The following GALNTL6 variants were observed in gnomAD, a reference collection of about 807,000 sequenced individuals.
GALNTL6 encodes polypeptide N-acetylgalactosaminyltransferase like 6, also known as polypeptide N-acetylgalactosaminyltransferase-like 6.
In GALNTL6, 46 loss-of-function variants were observed where a neutral mutation model predicts 73.7. The ratio of observed to expected loss-of-function variants is 0.62; its 90% CI spans 0.49 to 0.80. GALNTL6 has a LOEUF of 0.80. Among genes scored for constraint, GALNTL6 ranks in the 30% least tolerant of loss-of-function variants. GALNTL6 has a pLI of 0.00. For missense variants in GALNTL6, 604 were observed against 755.0 expected, an observed-to-expected ratio of 0.80 and a Z score of 2.34; for synonymous variants, 259 against 263.7, an observed-to-expected ratio of 0.98 and a Z score of 0.17.
intron 7 of GALNTL6, among the ~76,000 whole-genome samples, chr4:172,831,076 T>G (rs1186281887): frequency 1.5e-5 from 2 of 133,842 alleles, no homozygotes; most frequent in African/African-American, 5.8e-5. Flanking sequence ...AGAGAAAGCT[T>G]GAACCCAGGA....
intron 9 of GALNTL6, among the ~76,000 whole-genome samples, chr4:172,948,180 C>G (rs1199204747): frequency 6.6e-6 from 1 of 152,200 alleles, no homozygotes; most frequent in Non-Finnish European, 1.5e-5. Context: ...TCCAAAATGT[C>G]TAATGAGCCA....
intron 5 of GALNTL6, among the ~76,000 whole-genome samples, chr4:172,772,710 T>C (rs1420402918): frequency 7.5e-6 from 1 of 133,438 alleles, no homozygotes; most frequent in Non-Finnish European, 1.7e-5. Context: ...ACACTTTCCA[T>C]GGTAGGCTGA....
intron 7 of GALNTL6, among the ~76,000 whole-genome samples, chr4:172,844,641 G>T (rs1743393524): frequency 6.6e-6 from 1 of 152,182 alleles, no homozygotes; most frequent in African/African-American, 2.4e-5. Flanking sequence ...TGACCACGTG[G>T]TTGTCAGTGT....
chr4:172,771,215 T>C (rs1738742819), intron 5 of GALNTL6, among the ~76,000 whole-genome samples: 2 of 152,190 alleles, frequency 1.3e-5, no homozygotes, highest in South Asian at 4.1e-4. Flanking sequence ...GCATGAACTC[T>C]GGTTACCCAA....
At chr4:172,564,245 A>C (rs1736480858) in intron 5 of GALNTL6, among the ~76,000 whole-genome samples, 1 of 152,214 alleles carries the variant, frequency 6.6e-6, no homozygotes, top group African/African-American at 2.4e-5. Flanking sequence ...AAAAAGTGTC[A>C]TATTTCTGAG....
At chr4:173,012,039 G>C (rs113479279) in intron 11 of GALNTL6, among the ~76,000 whole-genome samples, 2 of 152,160 alleles carry the variant, frequency 1.3e-5, no homozygotes, top group African/African-American at 4.8e-5. Context: ...GAGTAGCTCA[G>C]ACCACAGGTG....
intron 5 of GALNTL6, among the ~76,000 whole-genome samples, chr4:172,599,281 T>C (rs978725966): frequency 6.6e-6 from 1 of 152,138 alleles, no homozygotes; most frequent in African/African-American, 2.4e-5. Context: ...AGATTTTATG[T>C]AATTAATACA....
At chr4:171,853,469 T>C (rs1451758019) in intron 2 of GALNTL6, among the ~76,000 whole-genome samples, 1 of 151,120 alleles carries the variant, frequency 6.6e-6, no homozygotes, top group East Asian at 1.9e-4. Flanking sequence ...CATTCTTTTC[T>C]TTTTTTTCTG....
At chr4:173,022,466 A>C (rs1753057040) in intron 12 of GALNTL6, among the ~76,000 whole-genome samples, 1 of 152,274 alleles carries the variant, frequency 6.6e-6, no homozygotes, top group African/African-American at 2.4e-5. Context: ...TCCAATAAGC[A>C]AAACCACGCA....
At chr4:171,858,980 A>C (rs1346381802) in intron 2 of GALNTL6, among the ~76,000 whole-genome samples, 1 of 152,214 alleles carries the variant, frequency 6.6e-6, no homozygotes. Flanking sequence ...TATTTTGTTT[A>C]TAATGTGCAA....
At chr4:172,417,168 CTT>C in intron 5 of GALNTL6, among the ~76,000 whole-genome samples, 1 of 150,568 alleles carries the variant, frequency 6.6e-6, no homozygotes, top group South Asian at 2.1e-4. Flanking sequence ...CCTTCTGTTG[CTT>C]TATGTGTGTG....
At chr4:172,066,245 T>A (rs1294342247) in intron 2 of GALNTL6, among the ~76,000 whole-genome samples, 2 of 152,180 alleles carry the variant, frequency 1.3e-5, no homozygotes, top group African/African-American at 2.4e-5. Context: ...GTGGTGTGCC[T>A]ATTCATATCG....
At chr4:172,058,536 C>CTG (rs773896862) in intron 2 of GALNTL6, among the ~76,000 whole-genome samples, 1 of 151,632 alleles carries the variant, frequency 6.6e-6, no homozygotes, top group African/African-American at 2.4e-5. Flanking sequence ...TGTTTTGTGT[C>CTG]TGTGTGTGTG....
At chr4:172,353,331 A>G (rs562865518) in intron 5 of GALNTL6, among the ~76,000 whole-genome samples, 1 of 152,194 alleles carries the variant, frequency 6.6e-6, no homozygotes, top group African/African-American at 2.4e-5. Context: ...AGTGAATAAT[A>G]TGGGTGCAAT....
rs1383515418 is a variant in GALNTL6, at chr4:171,835,860, AGTT to A, written c.138+21143_138+21145del. ...AGTGTTCTCATTTTTAAATAATAAT[AGTT>A]AACAGTAGTGATAATGGTTTACTGT... On this transcript the variant is annotated intron_variant, in intron 2 of 12. Coordinates refer to ENST00000506823, the MANE Select transcript of GALNTL6 (RefSeq NM_001034845.3). Among the ~76,000 whole-genome samples the A allele has an allele frequency of 2.0e-5, 3 of 152,172 alleles. No homozygotes were observed. In the South Asian group the frequency reaches 6.2e-4, roughly 32 times the overall value.
chr4:172,869,292 A>G (rs895560540), intron 7 of GALNTL6, among the ~76,000 whole-genome samples: 2 of 152,258 alleles, frequency 1.3e-5, no homozygotes, highest in Admixed American at 6.5e-5. Context: ...ATAAATTTCT[A>G]AAATAAACAA....
At chr4:172,828,302 A>AAAACATTG (rs1366900007) in intron 7 of GALNTL6, among the ~76,000 whole-genome samples, 23 of 151,966 alleles carry the variant, frequency 1.5e-4, no homozygotes, top group African/African-American at 4.8e-4. Flanking sequence ...ACAAACAAAA[A>AAAACATTG]AAACATTGAA....
At chr4:172,425,377 C>T (rs919144547) in intron 5 of GALNTL6, 2 of 152,036 alleles carry the variant, frequency 1.3e-5, no homozygotes, top group African/African-American at 4.8e-5. Context: ...TCAGAGAAGG[C>T]ATGTGCATAT....
chr4:172,405,459 T>TCC (rs1744206857), intron 5 of GALNTL6, among the ~76,000 whole-genome samples: 1 of 115,462 alleles, frequency 8.7e-6, no homozygotes, highest in African/African-American at 3.4e-5. Context: ...TTTTTTTTTT[T>TCC]TTTTTTTCTC....
Sources: allele counts gnomAD v4.1 joint callset (sites outside exome capture counted in the v4.1 genomes callset), GRCh38; gene constraint gnomAD v4.1.1; transcripts MANE v1.5; gene names NCBI Gene and HGNC (gene_info 2026-07-23, HGNC 2026-07-21).